The following PNPLA6 variants were observed in gnomAD, a reference collection of about 807,000 sequenced individuals.
PNPLA6 encodes patatin-like phospholipase domain-containing protein 6.
In PNPLA6, 105 loss-of-function variants were observed where a neutral mutation model predicts 153.7. The observed-to-expected ratio is 0.68, with a 90% CI of 0.58 to 0.80. PNPLA6 has a LOEUF of 0.80. Among genes scored for constraint, PNPLA6 ranks in the 30% least tolerant of loss-of-function variants. The pLI is 0.00. For missense variants in PNPLA6, 1,423 were observed against 1,919.3 expected, an observed-to-expected ratio of 0.74 and a Z score of 4.83; for synonymous variants, 825 against 822.2, an observed-to-expected ratio of 1.00 and a Z score of -0.06.
rs141360025 is a variant in PNPLA6 at position 7,561,263 on chromosome 19, G to A, written c.3969G>A (p.Ser1323=). ...AGGAGGACGCCGGACCCGACTGCTCGAGGGATGAAGGGGGGTCCCCCGAGG... is the reference window on the plus strand; with the variant it reads ...AGGAGGACGCCGGACCCGACTGCTCAAGGGATGAAGGGGGGTCCCCCGAGG... ...EYEEDAGPDC[S]RDEGGSPEGA... Residue 1323 remains serine, a synonymous_variant, in exon 31 of 32, where the codon TCG becomes TCA. Coordinates refer to ENST00000600737, the MANE Select transcript of PNPLA6 (RefSeq NM_001166114.2). The A allele has an allele frequency of 9.3e-6, 15 of 1,610,984 alleles. No individual in the cohort carries two copies. The highest frequency in any genetic ancestry group is 5.3e-5 in the African/African-American group (4 of 75,016).
At chr19:7,537,651 G>T (rs2022938832) in intron 3 of PNPLA6, among the ~76,000 whole-genome samples, 1 of 152,080 alleles carries the variant, frequency 6.6e-6, no homozygotes, top group Non-Finnish European at 1.5e-5. Context: ...TTGTTTGTTT[G>T]TTTGTTTTTG....
At chr19:7,549,632 A>G (rs2146085491) in intron 13 of PNPLA6, 3 of 494,556 alleles carry the variant, frequency 6.1e-6, no homozygotes, top group South Asian at 2.1e-5. Flanking sequence ...GGAATTACAG[A>G]CATGTGCCAC....
Position 7,551,448 on chromosome 19 carries a change from G to A in PNPLA6, c.2260+11G>A, listed in dbSNP as rs1242985114. ...AAGGACCCTTCCCAGGTGAGAGCCG[G>A]CCGGCCCAGAGCGTGCTGGGAGATG... is the stretch of plus-strand genomic sequence containing the variant. On this transcript the variant is annotated intron_variant, in intron 18 of 31. Coordinates refer to ENST00000600737, the MANE Select transcript of PNPLA6 (RefSeq NM_001166114.2). 1 of 1,612,320 alleles carries A rather than the reference G, an allele frequency of 6.2e-7. No homozygotes were observed. Among genetic ancestry groups the A allele is most frequent in the Non-Finnish European group, 8.5e-7 (1 of 1,178,538 alleles).
rs1343574860 is a variant in PNPLA6, at chr19:7,555,500, G to C, written c.2937-107G>C. ...CCTCCGGGAGAGACCCCGTGGGTAGGGGCGGGTCCTTTGTTCCTTAGCAGT... is the reference window on the plus strand; with the variant it reads ...CCTCCGGGAGAGACCCCGTGGGTAGCGGCGGGTCCTTTGTTCCTTAGCAGT... On this transcript the variant is annotated intron_variant, in intron 23 of 31. Coordinates refer to ENST00000600737, the MANE Select transcript of PNPLA6 (RefSeq NM_001166114.2). The surrounding 1 kb of genome is among the most constrained non-coding windows in gnomAD (Gnocchi z 6.3). 4.3e-5 allele frequency: 61 copies of C among 1,408,886 alleles called. 1 individual carries two copies. In the South Asian group the frequency reaches 5.9e-4, roughly 14 times the overall value. The allele number at this position is 1,408,886 out of a possible 1,614,324, so 87.3% of individuals were successfully genotyped here. A position where few individuals can be genotyped will look rare whatever the true frequency, so the allele number is the denominator to read the frequency against.
In PNPLA6 at chr19:7,540,371, T is replaced by C; in HGVS notation, c.714+63T>C. ...GGTGGTGGGGATGGGCAGCAGGCAT[T>C]GGTCTGTAGAGCTGGTGGTCTTTGG... is the stretch of plus-strand genomic sequence containing the variant. On this transcript the variant is annotated intron_variant, in intron 5 of 31. Transcript: ENST00000600737. This position sits in a 1 kb window ranked among gnomAD's most constrained non-coding sequence, Gnocchi z 6.8. The C allele has an allele frequency of 6.5e-7, 1 of 1,527,898 alleles. No homozygotes were observed. The highest frequency in any genetic ancestry group is 8.8e-7 in the Non-Finnish European group (1 of 1,130,798). The allele number at this position is 1,527,898 out of a possible 1,614,324, so 94.6% of individuals were successfully genotyped here.
rs1030480370 is a variant in PNPLA6 at position 7,553,891 on chromosome 19, G to A, written c.2277G>A (p.Val759=). The change falls in exon 19 of 32, where the codon GTG becomes GTA. Residue 759 remains valine, a synonymous_variant. Transcript: ENST00000600737. ...TCTTAGCAGGCTCTGGGTTGGGTGTGCCCCCACACTCGGAACTCACCAACC... is the reference window on the plus strand; with the variant it reads ...TCTTAGCAGGCTCTGGGTTGGGTGTACCCCCACACTCGGAACTCACCAACC... ...QGPFPGSGLG[V]PPHSELTNPA... 8.1e-6 allele frequency: 13 copies of A among 1,614,196 alleles called. No individual in the cohort carries two copies. The highest frequency in any genetic ancestry group is 1.1e-5 in the Non-Finnish European group (13 of 1,180,034).
In PNPLA6 at chr19:7,550,054, A is replaced by G; in HGVS notation, c.1756A>G (p.Thr586Ala). 6.2e-7 allele frequency: 1 copy of G among 1,614,020 alleles called. No individual in the cohort carries two copies. Among genetic ancestry groups the G allele is most frequent in the Non-Finnish European group, 8.5e-7 (1 of 1,180,020 alleles). ...AVLTGEPLIF[T>A]LRAQRDCTFL... ...GCTCACTGGCGAACCTCTCATCTTC[A>G]CACTGCGAGCCCAACGCGACTGCAC... Residue 586 changes from threonine (T) to alanine (A), a missense_variant, in exon 14 of 32, where the codon ACA (threonine) becomes GCA (alanine). Physicochemically the swap from Thr to Ala is moderately conservative, Grantham distance 58 (BLOSUM62 0). Transcript: ENST00000600737.
intron 28 of PNPLA6, among the ~76,000 whole-genome samples, chr19:7,559,752 G>A (rs569337229): frequency 2.5e-4 from 38 of 152,240 alleles, no homozygotes; most frequent in African/African-American, 9.1e-4. Context: ...GCTGAGGTGG[G>A]AGGACCGCTC....
In PNPLA6 at chr19:7,561,109, C is replaced by T. The variant is rs149871062; in HGVS notation, c.3912C>T (p.Asp1304=). Residue 1304 remains aspartate (D), a splice_region_variant and synonymous_variant, in exon 30 of 32, where the codon GAC becomes GAT. Coordinates refer to ENST00000600737, the MANE Select transcript of PNPLA6 (RefSeq NM_001166114.2). ...GCTATGTCTCTGATGGCTGTGCTGACGGTGAGGGGCCCAGGGGACCCCCCA... is the reference window on the plus strand; with the variant it reads ...GCTATGTCTCTGATGGCTGTGCTGATGGTGAGGGGCCCAGGGGACCCCCCA... ...PTSYVSDGCA[D]GEESDCLTEY... 265 of 1,585,056 alleles carry T rather than the reference C, an allele frequency of 1.7e-4. No individual in the cohort carries two copies. The African/African-American group carries it at 3.0e-3, about 18-fold the overall frequency.
At chr19:7,557,504 C>T (rs1599310170) in intron 27 of PNPLA6, 1 of 600,094 alleles carries the variant, frequency 1.7e-6, no homozygotes, top group Non-Finnish European at 3.1e-6. Flanking sequence ...TACATTCTGG[C>T]CAGGCGCGGT....
chr19:7,549,495 T>TTCTTC (rs1454935597), intron 13 of PNPLA6, among the ~76,000 whole-genome samples: 22 of 16,468 alleles, frequency 1.3e-3, no homozygotes, highest in Admixed American at 6.1e-3. Flanking sequence ...CTTCTTCTTC[T>TTCTTC]TTTTTTTTTT....
intron 31 of PNPLA6, 72 bp downstream of exon 31, chr19:7,561,389 C>T (rs45474094): frequency 4.6e-5 from 66 of 1,427,820 alleles, no homozygotes; most frequent in Admixed American, 7.7e-5. Context: ...GCAGGGGAGC[C>T]GGGGGCGTAT....
chr19:7,550,087 C>A lies in PNPLA6; in HGVS notation c.1789C>A (p.Arg597=). ...AGCCCAACGCGACTGCACCTTCCTG[C>A]GGATCTCCAAGTCCGACTTCTATGA... The part of the protein sequence containing the change: ...LRAQRDCTFL[R]ISKSDFYEIM... The change falls in exon 14 of 32, where the codon CGG becomes AGG. Residue 597 remains arginine (R), a synonymous_variant. Coordinates refer to ENST00000600737, the MANE Select transcript of PNPLA6 (RefSeq NM_001166114.2). 6.2e-7 allele frequency: 1 copy of A among 1,614,098 alleles called. No individual in the cohort carries two copies. The highest frequency in any genetic ancestry group is 8.5e-7 in the Non-Finnish European group (1 of 1,180,046).
At chr19:7,550,200 C>T in intron 14 of PNPLA6, 88 bp downstream of exon 14, 1 of 1,608,974 alleles carries the variant, frequency 6.2e-7, no homozygotes, top group Non-Finnish European at 8.5e-7. Context: ...CAACCTCACT[C>T]CTGGAAGAGC....
chr19:7,535,937 T>G lies in PNPLA6; in HGVS notation c.149T>G (p.Leu50Arg), dbSNP rs748025799. Residue 50 changes from leucine to arginine, a missense_variant, in exon 1 of 32, where the codon CTT (leucine) becomes CGT (arginine). Leu to Arg is a moderately radical substitution (Grantham distance 102). Around this residue, in one of 10 missense-constraint regions of PNPLA6, gnomAD observed 109 missense variants for 109.4 expected, o/e 1.00. Transcript: ENST00000600737. This position sits in a 1 kb window ranked among gnomAD's most constrained non-coding sequence, Gnocchi z 5.0. ...AQPVPFVPQV[L>R]GVMIGAGVAV... The stretch of plus-strand genomic sequence containing the variant: ...CCAGTGCCGTTCGTCCCTCAGGTGC[T>G]TGGCGTGATGATCGGGGCCGGAGTG... The G allele has an allele frequency of 5.1e-6, 8 of 1,584,110 alleles. No individual in the cohort carries two copies. The highest frequency in any genetic ancestry group is 6.8e-6 in the Non-Finnish European group (8 of 1,170,156).
intron 21 of PNPLA6, 68 bp downstream of exon 21, chr19:7,554,791 C>G: frequency 6.3e-7 from 1 of 1,593,352 alleles, no homozygotes; most frequent in Non-Finnish European, 8.5e-7. Context: ...GTGCCTGCAC[C>G]AGGCCACGTG....
chr19:7,559,995 C>A (rs1456112652), intron 28 of PNPLA6, among the ~76,000 whole-genome samples: 1 of 152,010 alleles, frequency 6.6e-6, no homozygotes, highest in Non-Finnish European at 1.5e-5. Context: ...CAAAAATTAG[C>A]TGGGTGTGGT....
rs1303185587 is a variant in PNPLA6, at chr19:7,557,173, C to T, written c.3286C>T (p.Leu1096=). The T allele has an allele frequency of 6.2e-7, 1 of 1,609,186 alleles. No homozygotes were observed. The highest frequency in any genetic ancestry group is 8.5e-7 in the Non-Finnish European group (1 of 1,177,802). ...CTGTGTGTCCCACCGCGCAGGCTCC[C>T]TGTGGCGGTACGTGCGCGCCAGCAT... ...SAMRVHKDGS[L]WRYVRASMTL... The change falls in exon 27 of 32, where the codon CTG becomes TTG. Residue 1096 remains leucine, a synonymous_variant. Coordinates refer to ENST00000600737, the MANE Select transcript of PNPLA6 (RefSeq NM_001166114.2).
rs139102273 is a variant in PNPLA6, at chr19:7,561,020, G to A, written c.3823G>A (p.Ala1275Thr). 3 of 1,610,582 alleles carry A rather than the reference G, an allele frequency of 1.9e-6. No individual in the cohort carries two copies. The highest frequency in any genetic ancestry group is 1.7e-4 in the Middle Eastern group (1 of 6,060). Reference protein sequence around the residue: ...LNESRRADVLAFPSSGFTDLA... With the variant: ...LNESRRADVLTFPSSGFTDLA... ...CACCAGTGTCACCCCACAGGTGCTT[G>A]CCTTCCCAAGCTCTGGCTTCACTGA... The change falls in exon 30 of 32, where the codon GCC becomes ACC. Residue 1275 changes from alanine (A) to threonine (T), a missense_variant. Transcript: ENST00000600737.
Sources: allele counts gnomAD v4.1 joint callset (sites outside exome capture counted in the v4.1 genomes callset), GRCh38; gene constraint gnomAD v4.1.1; regional missense constraint gnomAD v4.1.1; non-coding constraint Gnocchi (gnomAD v3.1); transcripts MANE v1.5; gene names NCBI Gene and HGNC (gene_info 2026-07-23, HGNC 2026-07-21).